The following RYR2 variants were observed in gnomAD, a reference collection of about 807,000 sequenced individuals.
RYR2 encodes the protein cardiac muscle ryanodine receptor-calcium release channel.
RYR2 carries 227 observed loss-of-function variants against 601.1 expected under a neutral mutation model. The ratio of observed to expected loss-of-function variants is 0.38; its 90% CI spans 0.34 to 0.42. The LOEUF (loss-of-function observed/expected upper bound fraction) is 0.42. Ranked by LOEUF, RYR2 falls within the 10% of genes least tolerant of loss-of-function variation. The probability of loss-of-function intolerance (pLI) is 1.00; values close to 1 mark genes in which losing one functional copy is unlikely to be tolerated. For synonymous variants in RYR2, 2,223 were observed against 2,175.1 expected, an observed-to-expected ratio of 1.02 and a Z score of -0.61; for missense variants, 4,646 against 6,156.5, an observed-to-expected ratio of 0.75 and a Z score of 8.21.
intron 33 of RYR2, among the ~76,000 whole-genome samples, chr1:237,593,989 G>A (rs2148460966): frequency 6.6e-6 from 1 of 152,222 alleles, no homozygotes; most frequent in South Asian, 2.1e-4. Context: ...TATAGATTTC[G>A]GGAACTGGCT....
chr1:237,792,356 T>TGCGCGC, intron 94 of RYR2, 33 bp downstream of exon 94: 2 of 569,254 alleles, frequency 3.5e-6, no homozygotes, highest in Non-Finnish European at 5.3e-6. Context: ...TACCTGTGTG[T>TGCGCGC]GTGTGTGTGT....
chr1:237,758,194 A>T (rs1464460), intron 82 of RYR2, among the ~76,000 whole-genome samples: 60,509 of 151,992 alleles, frequency 0.4, 12,184 homozygotes, highest in East Asian at 0.63. Context: ...TTTATCAAAA[A>T]ATAATGTCTC....
At chr1:237,509,588 A>G (rs550516792) in intron 23 of RYR2, among the ~76,000 whole-genome samples, 1 of 152,250 alleles carries the variant, frequency 6.6e-6, no homozygotes, top group South Asian at 2.1e-4. Context: ...TCCCTTTAAC[A>G]TTTATTGTAT....
intron 1 of RYR2, among the ~76,000 whole-genome samples, chr1:237,186,402 G>T (rs113656977): frequency 2.0e-5 from 3 of 152,104 alleles, no homozygotes; most frequent in African/African-American, 7.2e-5. Flanking sequence ...TGAGAAATCC[G>T]CATTCCACTG....
intron 1 of RYR2, among the ~76,000 whole-genome samples, chr1:237,072,775 C>T (rs191390859): frequency 1.2e-4 from 18 of 151,888 alleles, no homozygotes; most frequent in African/African-American, 3.1e-4. Context: ...TGCGAAACCC[C>T]GACTCTACTA....
chr1:237,538,252 A>C (rs1572775697), intron 25 of RYR2, among the ~76,000 whole-genome samples: 1 of 150,896 alleles, frequency 6.6e-6, no homozygotes, highest in African/African-American at 2.4e-5. Flanking sequence ...AAAATTAGCC[A>C]GGCATGGTGG....
At chr1:237,780,623 T>A (rs1378988775) in intron 88 of RYR2, among the ~76,000 whole-genome samples, 1 of 152,176 alleles carries the variant, frequency 6.6e-6, no homozygotes, top group African/African-American at 2.4e-5. Flanking sequence ...AGACACAATA[T>A]GTCTTTGAAA....
intron 2 of RYR2, among the ~76,000 whole-genome samples, chr1:237,317,763 G>A (rs926696757): frequency 6.6e-6 from 1 of 151,542 alleles, no homozygotes; most frequent in Non-Finnish European, 1.5e-5. Flanking sequence ...TTTTTTGTGT[G>A]ACTGGATGTA....
At chr1:237,805,410 C>T (rs1660506062) in intron 98 of RYR2, among the ~76,000 whole-genome samples, 1 of 151,884 alleles carries the variant, frequency 6.6e-6, no homozygotes, top group Non-Finnish European at 1.5e-5. Flanking sequence ...GAAACCCCGT[C>T]TCTACTAAAA....
At chr1:237,576,202 G>A (rs997088045) in intron 29 of RYR2, among the ~76,000 whole-genome samples, 15 of 152,112 alleles carry the variant, frequency 9.9e-5, no homozygotes, top group African/African-American at 3.1e-4. Flanking sequence ...GCTTCAATCC[G>A]TCGATCAGAC....
At chr1:237,299,872 A>G (rs531560615) in intron 2 of RYR2, among the ~76,000 whole-genome samples, 3 of 152,310 alleles carry the variant, frequency 2.0e-5, no homozygotes, top group East Asian at 3.9e-4. Context: ...GCTAGGATGG[A>G]AAGTACAAAT....
At chr1:237,333,272 A>G (rs1696926574) in intron 3 of RYR2, among the ~76,000 whole-genome samples, 1 of 152,252 alleles carries the variant, frequency 6.6e-6, no homozygotes, top group Admixed American at 6.5e-5. Context: ...GAAAGAAACC[A>G]ATGTCAAATA....
At chr1:237,386,366 G>A (rs1701958761) in intron 8 of RYR2, among the ~76,000 whole-genome samples, 1 of 152,188 alleles carries the variant, frequency 6.6e-6, no homozygotes. Flanking sequence ...CACCTAAGGT[G>A]ACTACTTTAG....
At chr1:237,286,507 G>A (rs936547299) in intron 2 of RYR2, among the ~76,000 whole-genome samples, 6 of 40,784 alleles carry the variant, frequency 1.5e-4, no homozygotes, top group East Asian at 1.9e-3. Flanking sequence ...GAAATGCTCC[G>A]TATATATCTG....
chr1:237,504,430 C>T (rs1291847709), intron 22 of RYR2, among the ~76,000 whole-genome samples: 4 of 152,140 alleles, frequency 2.6e-5, no homozygotes, highest in African/African-American at 4.8e-5. Context: ...TTACAAAGTA[C>T]ATTGATCAGT....
At chr1:237,491,757 C>A in intron 17 of RYR2, 49 bp from the exon 18 acceptor site, 1 of 854,562 alleles carries the variant, frequency 1.2e-6, no homozygotes, top group Non-Finnish European at 1.9e-6. Context: ...GGTCATTGTA[C>A]ACCAATTAAT....
chr1:237,664,554 C>G (rs977395320), intron 56 of RYR2, among the ~76,000 whole-genome samples: 1 of 152,180 alleles, frequency 6.6e-6, no homozygotes, highest in Admixed American at 6.5e-5. Context: ...GGGGTTTCCC[C>G]TTATGAAACC....
intron 1 of RYR2, among the ~76,000 whole-genome samples, chr1:237,192,753 T>G (rs1299632386): frequency 2.0e-5 from 3 of 152,218 alleles, no homozygotes; most frequent in Non-Finnish European, 4.4e-5. Context: ...AACTTAAGTA[T>G]AGCTTACTAA....
At position 237,447,034 on chromosome 1, in the gene RYR2, T is replaced by C. The variant is rs1657439943; in HGVS notation, c.1292+1512T>C. Among the ~76,000 whole-genome samples, 4 of 152,336 alleles carry C rather than the reference T, an allele frequency of 2.6e-5. No homozygotes were observed. In the South Asian group the frequency reaches 8.3e-4, roughly 32 times the overall value. ...GAGCTGATCAATCCTATGATAGGGA[T>C]TGAGCAAATTAATCATAAATCTTTG... On this transcript the variant is annotated intron_variant, in intron 14 of 104. Transcript: ENST00000366574.
Sources: allele counts gnomAD v4.1 joint callset (sites outside exome capture counted in the v4.1 genomes callset), GRCh38; gene constraint gnomAD v4.1.1; transcripts MANE v1.5; gene names NCBI Gene and HGNC (gene_info 2026-07-23, HGNC 2026-07-21).